PTPRN2: variants seen among roughly 807,000 people sequenced by gnomAD.
PTPRN2 encodes receptor-type tyrosine-protein phosphatase N2.
PTPRN2 carries 74 observed loss-of-function variants against 118.8 expected under a neutral mutation model. That is an observed-to-expected ratio of 0.62 (90% CI 0.52 to 0.76). PTPRN2 has a LOEUF of 0.76. Among genes scored for constraint, PTPRN2 ranks in the 30% least tolerant of loss-of-function variants. PTPRN2 has a pLI of 0.00. For missense variants in PTPRN2, 1,481 were observed against 1,394.4 expected, an observed-to-expected ratio of 1.06 and a Z score of -0.99; for synonymous variants, 641 against 608.0, an observed-to-expected ratio of 1.05 and a Z score of -0.80.
chr7:157,664,086 C>A (rs573778310), intron 13 of PTPRN2, among the ~76,000 whole-genome samples: 41 of 152,318 alleles, frequency 2.7e-4, no homozygotes, highest in African/African-American at 9.4e-4. Context: ...CTGTTTTTCC[C>A]CTCCCAAGAC....
intron 3 of PTPRN2, among the ~76,000 whole-genome samples, chr7:158,238,756 C>A (rs1241709141): frequency 6.6e-6 from 1 of 152,242 alleles, no homozygotes; most frequent in East Asian, 1.9e-4. Context: ...CCGACGGATT[C>A]AGTCCTGAGG....
At chr7:158,447,209 G>A (rs1269703559) in intron 2 of PTPRN2, among the ~76,000 whole-genome samples, 3 of 152,100 alleles carry the variant, frequency 2.0e-5, no homozygotes, top group Non-Finnish European at 4.4e-5. Context: ...GCCTCTCCTA[G>A]CTCCCCAGAC....
intron 2 of PTPRN2, among the ~76,000 whole-genome samples, chr7:158,396,189 G>A (rs1563241763): frequency 1.3e-5 from 2 of 152,214 alleles, no homozygotes; most frequent in African/African-American, 2.4e-5. Flanking sequence ...GGGAGACAGC[G>A]CCCAGCCAGG....
In PTPRN2 at chr7:158,473,469, T is replaced by C. The variant is rs894227936; in HGVS notation, c.163+16266A>G. ...CGGCCTCTGCTGTGTCTGTGCACCCTGATTGAGAAGCCTGCGTATCAGAGA... is the reference window on the plus strand; with the variant it reads ...CGGCCTCTGCTGTGTCTGTGCACCCCGATTGAGAAGCCTGCGTATCAGAGA... On this transcript the variant is annotated intron_variant, in intron 2 of 22. Coordinates refer to ENST00000389418, the MANE Select transcript of PTPRN2 (RefSeq NM_002847.5). Among the ~76,000 whole-genome samples the C allele has an allele frequency of 2.0e-4, 30 of 152,190 alleles. 1 individual carries two copies. The highest frequency in any genetic ancestry group is 3.3e-4 in the Admixed American group (5 of 15,280).
intron 12 of PTPRN2, among the ~76,000 whole-genome samples, chr7:157,701,206 T>A (rs927284238): frequency 6.6e-6 from 1 of 152,048 alleles, no homozygotes; most frequent in Non-Finnish European, 1.5e-5. Context: ...AGTGGCAGAA[T>A]CTCAATCAAC....
chr7:158,186,655 G>A (rs1251127341), intron 5 of PTPRN2, among the ~76,000 whole-genome samples: 2 of 151,624 alleles, frequency 1.3e-5, no homozygotes, highest in East Asian at 2.0e-4. Context: ...TGCCCCCTCT[G>A]GCATGAGCGC....
chr7:158,069,961 C>T (rs755679133), intron 11 of PTPRN2, among the ~76,000 whole-genome samples: 9 of 152,206 alleles, frequency 5.9e-5, no homozygotes, highest in Non-Finnish European at 1.2e-4. Flanking sequence ...GTCAATGAGT[C>T]GTCCAAAGTC....
intron 6 of PTPRN2, among the ~76,000 whole-genome samples, chr7:158,139,364 G>A (rs922651940): frequency 2.0e-5 from 3 of 152,086 alleles, no homozygotes; most frequent in African/African-American, 4.8e-5. Flanking sequence ...TGGACATAAC[G>A]GAAGAAACGG....
intron 17 of PTPRN2, among the ~76,000 whole-genome samples, chr7:157,588,482 G>C (rs1800802154): frequency 6.6e-6 from 1 of 152,212 alleles, no homozygotes; most frequent in Non-Finnish European, 1.5e-5. Context: ...TGCCTGCGGG[G>C]GCTTCTCTGC....
At chr7:158,580,074 T>A (rs1212483885) in intron 1 of PTPRN2, among the ~76,000 whole-genome samples, 1 of 152,208 alleles carries the variant, frequency 6.6e-6, no homozygotes, top group Admixed American at 6.5e-5. Context: ...AGGTGGGAAG[T>A]CATCAGACAG....
chr7:158,280,928 G>A (rs141723304), intron 3 of PTPRN2, among the ~76,000 whole-genome samples: 11 of 152,206 alleles, frequency 7.2e-5, no homozygotes, highest in South Asian at 2.1e-4. Context: ...ACGGCTACAC[G>A]GTGCTCTGGA....
intron 22 of PTPRN2, among the ~76,000 whole-genome samples, chr7:157,546,127 G>T (rs1407659258): frequency 2.0e-5 from 3 of 152,164 alleles, no homozygotes; most frequent in African/African-American, 7.2e-5. Context: ...CTGAGGAAGA[G>T]GGTGAACTCC....
intron 11 of PTPRN2, among the ~76,000 whole-genome samples, chr7:157,946,556 T>C (rs573738930): frequency 6.6e-6 from 1 of 152,338 alleles, no homozygotes; most frequent in South Asian, 2.1e-4. Context: ...TGAGGGCACG[T>C]AAGCTTGCAG....
At chr7:157,859,899 T>G (rs1414188270) in intron 12 of PTPRN2, among the ~76,000 whole-genome samples, 1 of 113,344 alleles carries the variant, frequency 8.8e-6, no homozygotes, top group Non-Finnish European at 1.8e-5. Context: ...TACACACTCC[T>G]GCAGGGAGAG....
intron 2 of PTPRN2, among the ~76,000 whole-genome samples, chr7:158,332,003 A>G (rs1406968326): frequency 6.6e-6 from 1 of 151,256 alleles, no homozygotes; most frequent in African/African-American, 2.5e-5. Flanking sequence ...TCTCTCCATA[A>G]GAGCTGACAA....
In PTPRN2 at chr7:157,578,041, T is replaced by C; in HGVS notation, c.2596A>G (p.Asn866Asp). 1 of 1,612,884 alleles carries C rather than the reference T, an allele frequency of 6.2e-7. No individual in the cohort carries two copies. The highest frequency in any genetic ancestry group is 8.5e-7 in the Non-Finnish European group (1 of 1,179,144). ...AGTACCTCATAGATGTGGTAGAGAT[T>C]GGAGCCTTCATCCGGCCAGTAGTGG... is the stretch of plus-strand genomic sequence containing the variant. The part of the protein sequence containing the change: ...CYHYWPDEGS[N>D]LYHIYEVNLV... Residue 866 changes from asparagine (N) to aspartate (D), a missense_variant, in exon 18 of 23, where the codon AAT (asparagine) becomes GAT (aspartate). Around this residue, in one of 3 missense-constraint regions of PTPRN2, gnomAD observed 362 missense variants for 384.1 expected, o/e 0.94. Coordinates refer to ENST00000389418, the MANE Select transcript of PTPRN2 (RefSeq NM_002847.5).
At chr7:158,280,875 G>A (rs1284508931) in intron 3 of PTPRN2, among the ~76,000 whole-genome samples, 2 of 152,222 alleles carry the variant, frequency 1.3e-5, no homozygotes, top group East Asian at 1.9e-4. Context: ...GCTGTGCCCA[G>A]AACCAGCACG....
intron 2 of PTPRN2, among the ~76,000 whole-genome samples, chr7:158,359,869 A>T (rs999915799): frequency 6.6e-6 from 1 of 152,064 alleles, no homozygotes; most frequent in Admixed American, 6.6e-5. Context: ...AATATACAGC[A>T]CCTTAGCTTG....
At chr7:157,589,016 G>C (rs1800835627) in intron 17 of PTPRN2, among the ~76,000 whole-genome samples, 1 of 151,960 alleles carries the variant, frequency 6.6e-6, no homozygotes, top group Admixed American at 6.6e-5. Context: ...GGCAGTAAGG[G>C]CCTTCCCACC....
Sources: allele counts gnomAD v4.1 joint callset (sites outside exome capture counted in the v4.1 genomes callset), GRCh38; gene constraint gnomAD v4.1.1; regional missense constraint gnomAD v4.1.1; transcripts MANE v1.5; gene names NCBI Gene and HGNC (gene_info 2026-07-23, HGNC 2026-07-21).